ELMO1: variants seen among roughly 807,000 people sequenced by gnomAD.
The protein encoded by ELMO1 is engulfment and cell motility protein 1.
Under a neutral mutation model 98.9 loss-of-function variants are expected in ELMO1, and 26 were observed. The observed-to-expected ratio is 0.26, with a 90% CI of 0.19 to 0.36. The LOEUF (loss-of-function observed/expected upper bound fraction) is 0.36. Among genes scored for constraint, ELMO1 ranks in the 10% least tolerant of loss-of-function variants. The pLI, the probability that ELMO1 is intolerant of heterozygous loss-of-function variation, is 1.00. For synonymous variants in ELMO1, 346 were observed against 346.0 expected (o/e 1.00, Z 0.00); for missense variants, 627 against 935.2 (o/e 0.67, Z 4.30).
chr7:36,922,571 G>A (rs980819890), intron 16 of ELMO1, among the ~76,000 whole-genome samples: 1 of 152,068 alleles, frequency 6.6e-6, no homozygotes, highest in Non-Finnish European at 1.5e-5. Flanking sequence ...TCCCAAAGAT[G>A]ACTTGACAGA....
At chr7:37,151,858 T>C (rs1262070920) in intron 13 of ELMO1, among the ~76,000 whole-genome samples, 2 of 152,208 alleles carry the variant, frequency 1.3e-5, no homozygotes, top group Non-Finnish European at 2.9e-5. Context: ...TCTCTTTCTC[T>C]GTCAAGGGTC....
intron 14 of ELMO1, among the ~76,000 whole-genome samples, chr7:37,122,377 G>C (rs1786124612): frequency 6.6e-6 from 1 of 152,108 alleles, no homozygotes; most frequent in Non-Finnish European, 1.5e-5. Context: ...TCAGTGTGCT[G>C]TATTCAGGAA....
chr7:37,287,619 A>AT (rs1465946523), intron 4 of ELMO1, among the ~76,000 whole-genome samples: 1 of 152,208 alleles, frequency 6.6e-6, no homozygotes, highest in Non-Finnish European at 1.5e-5. Context: ...GACATTTGTG[A>AT]TTCAAGCAAT....
chr7:37,005,410 G>A (rs1340083654), intron 16 of ELMO1, among the ~76,000 whole-genome samples: 1 of 151,698 alleles, frequency 6.6e-6, no homozygotes, highest in Admixed American at 6.6e-5. Flanking sequence ...AGCCACTACT[G>A]GCTGGGCATG....
chr7:37,047,278 C>CA (rs1239420770), intron 15 of ELMO1, among the ~76,000 whole-genome samples: 10 of 152,180 alleles, frequency 6.6e-5, no homozygotes, highest in Non-Finnish European at 1.5e-4. Flanking sequence ...AGAAATAGCT[C>CA]ATTAATCGGT....
intron 1 of ELMO1, among the ~76,000 whole-genome samples, chr7:37,406,054 G>T (rs972585089): frequency 6.6e-6 from 1 of 152,160 alleles, no homozygotes; most frequent in African/African-American, 2.4e-5. Context: ...GGATCTAGGG[G>T]TATTTTCAAG....
rs191431545 is a variant in ELMO1 at position 37,403,571 on chromosome 7, G to T, written c.-74+45104C>A. ...TTATTTATTTATCTTTAAGACAGGG[G>T]TCTCACTCTGTCACCCAGGCTGGAG... is the stretch of plus-strand genomic sequence containing the variant. On this transcript the variant is annotated intron_variant, in intron 1 of 21. Transcript: ENST00000310758. Among the ~76,000 whole-genome samples, 281 of 151,178 alleles carry T rather than the reference G, an allele frequency of 1.9e-3. 1 individual carries two copies. Among genetic ancestry groups the T allele is most frequent in the Non-Finnish European group, 3.2e-3 (219 of 67,792 alleles).
chr7:37,330,958 T>A (rs1800070482), intron 2 of ELMO1, among the ~76,000 whole-genome samples: 1 of 152,088 alleles, frequency 6.6e-6, no homozygotes, highest in South Asian at 2.1e-4. Context: ...GACTAACAAA[T>A]GGGAAGTGTC....
intron 13 of ELMO1, among the ~76,000 whole-genome samples, chr7:37,190,571 C>T (rs933384561): frequency 1.3e-5 from 2 of 152,298 alleles, no homozygotes; most frequent in East Asian, 1.9e-4. Context: ...GATCTTGGCT[C>T]ACTGCAACCT....
chr7:37,127,360 T>C (rs1786598210), intron 14 of ELMO1, among the ~76,000 whole-genome samples: 1 of 152,188 alleles, frequency 6.6e-6, no homozygotes, highest in Non-Finnish European at 1.5e-5. Context: ...TCTTTGACTC[T>C]GTCCCCTTTC....
chr7:37,224,264 T>C lies in ELMO1; in HGVS notation c.701+615A>G, dbSNP rs571343727. On this transcript the variant is annotated intron_variant, in intron 9 of 21. Transcript: ENST00000310758. Reference sequence around the variant, plus strand: ...AGGTTGGTATTGTCAGAGACAACCTTCCTAGTTACCTCAGGGAGGAAAGAA... The same window carrying C: ...AGGTTGGTATTGTCAGAGACAACCTCCCTAGTTACCTCAGGGAGGAAAGAA... 7.2e-4 allele frequency among the ~76,000 whole-genome samples: 110 copies of C among 152,326 alleles called. 1 individual carries two copies. The highest frequency in any genetic ancestry group is 2.4e-3 in the African/African-American group (101 of 41,584).
chr7:37,191,690 C>G (rs540201134), intron 13 of ELMO1, among the ~76,000 whole-genome samples: 15 of 152,254 alleles, frequency 9.9e-5, no homozygotes, highest in African/African-American at 3.6e-4. Flanking sequence ...GAGGCCAGGG[C>G]AAGTGGATCA....
At position 36,966,126 on chromosome 7, in the gene ELMO1, C is replaced by T. The variant is rs572905598; in HGVS notation, c.1437+47173G>A. Among the ~76,000 whole-genome samples, 6 of 152,294 alleles carry T rather than the reference C, an allele frequency of 3.9e-5. No individual in the cohort carries two copies. The South Asian group carries it at 6.2e-4, about 16-fold the overall frequency. On this transcript the variant is annotated intron_variant, in intron 16 of 21. Coordinates refer to ENST00000310758, the MANE Select transcript of ELMO1 (RefSeq NM_014800.11). ...CAGGTCCTCCATTTAATTCTGAGGA[C>T]CTCTGGCTGCCTTCCTTTCAGAATG...
chr7:37,014,856 T>C (rs1223164078), intron 15 of ELMO1, among the ~76,000 whole-genome samples: 1 of 151,858 alleles, frequency 6.6e-6, no homozygotes, highest in African/African-American at 2.4e-5. Flanking sequence ...AGAGAGCTTC[T>C]GTTCTCGGGG....
intron 16 of ELMO1, among the ~76,000 whole-genome samples, chr7:36,968,891 A>G (rs1358574933): frequency 6.6e-6 from 1 of 152,114 alleles, no homozygotes; most frequent in Admixed American, 6.5e-5. Flanking sequence ...TGGGGCTACA[A>G]ATATACTATT....
chr7:37,321,435 A>T (rs1799485794), intron 2 of ELMO1, among the ~76,000 whole-genome samples: 1 of 152,056 alleles, frequency 6.6e-6, no homozygotes, highest in Non-Finnish European at 1.5e-5. Context: ...AAGCCCTAGG[A>T]GGCCGGGCGC....
At chr7:36,886,012 C>A (rs1226160303) in intron 18 of ELMO1, among the ~76,000 whole-genome samples, 1 of 152,080 alleles carries the variant, frequency 6.6e-6, no homozygotes. Flanking sequence ...GAGGCAAGAT[C>A]GCACCCACAT....
At chr7:37,275,339 T>C (rs1256154593) in intron 4 of ELMO1, among the ~76,000 whole-genome samples, 4 of 152,230 alleles carry the variant, frequency 2.6e-5, no homozygotes, top group Admixed American at 2.6e-4. Flanking sequence ...CCTCAGGCAC[T>C]CCTTCAAGGT....
At chr7:37,036,284 G>T (rs1795170264) in intron 15 of ELMO1, among the ~76,000 whole-genome samples, 1 of 151,988 alleles carries the variant, frequency 6.6e-6, no homozygotes, top group Non-Finnish European at 1.5e-5. Flanking sequence ...ACTGTACTTT[G>T]TCATGGCAGC....
Sources: gnomAD v4.1 joint callset for allele counts (sites outside exome capture counted in the v4.1 genomes callset) on GRCh38, gnomAD v4.1.1 for gene constraint, MANE v1.5 for transcripts, NCBI Gene and HGNC (gene_info 2026-07-23, HGNC 2026-07-21) for gene names.